SLC7A2: variants seen among roughly 807,000 people sequenced by gnomAD.
The protein encoded by SLC7A2 is solute carrier family 7 member 2.
Under a neutral mutation model 58.9 loss-of-function variants are expected in SLC7A2, and 48 were observed. The observed-to-expected ratio is 0.82, with a 90% CI of 0.65 to 1.04. SLC7A2 has a LOEUF of 1.04. SLC7A2 is among the 50% of genes least tolerant of loss of function. The pLI is 0.00. For synonymous variants in SLC7A2, 363 were observed against 314.5 expected (o/e 1.15, Z -1.63); for missense variants, 1,029 against 818.8 (o/e 1.26, Z -3.13).
At chr8:17,541,379 A>G (rs1368459700) in intron 2 of SLC7A2, among the ~76,000 whole-genome samples, 1 of 152,230 alleles carries the variant, frequency 6.6e-6, no homozygotes, top group Non-Finnish European at 1.5e-5. Context: ...GAAAACCTGA[A>G]TATGGGCAAA....
intron 2 of SLC7A2, among the ~76,000 whole-genome samples, chr8:17,522,714 T>A (rs1801064174): frequency 6.9e-6 from 1 of 144,758 alleles, no homozygotes. Flanking sequence ...GAAAGCTTCC[T>A]TTGTGACTTC....
At position 17,551,854 on chromosome 8, in the gene SLC7A2, C is replaced by T; in HGVS notation, c.923C>T (p.Ala308Val). The T allele has an allele frequency of 6.2e-7, 1 of 1,613,900 alleles. No homozygotes were observed. Among genetic ancestry groups the T allele is most frequent in the Admixed American group, 1.7e-5 (1 of 59,998 alleles). ...VCFMAYFGVS[A>V]ALTLMMPYYL... ...TTTATGGCCTATTTTGGGGTCTCTG[C>T]AGCTTTAACACTTATGATGCCGTAC... Residue 308 changes from alanine to valine, a missense_variant, in exon 7 of 13, where the codon GCA (alanine) becomes GTA (valine). Ala to Val is a moderately conservative substitution (Grantham distance 64). Coordinates refer to ENST00000494857, the MANE Select transcript of SLC7A2 (RefSeq NM_001370338.1).
chr8:17,534,138 C>T (rs1022804488), intron 2 of SLC7A2, among the ~76,000 whole-genome samples: 1 of 152,106 alleles, frequency 6.6e-6, no homozygotes, highest in African/African-American at 2.4e-5. Flanking sequence ...TGTGTATATA[C>T]CACATTTTCT....
At chr8:17,563,554 A>C in intron 11 of SLC7A2, 49 bp from the exon 12 acceptor site, 2 of 1,125,386 alleles carry the variant, frequency 1.8e-6, no homozygotes, top group Non-Finnish European at 2.7e-6. Context: ...AACTTGGGGA[A>C]TATGCTTCAA....
upstream of SLC7A2, among the ~76,000 whole-genome samples, chr8:17,495,175 G>T (rs962572686): frequency 6.6e-6 from 1 of 151,844 alleles, no homozygotes; most frequent in African/African-American, 2.4e-5. Flanking sequence ...GACCAGGTTG[G>T]CCTCGAACGT....
intron 2 of SLC7A2, among the ~76,000 whole-genome samples, chr8:17,506,278 C>G (rs540316396): frequency 2.0e-4 from 31 of 152,290 alleles, no homozygotes; most frequent in African/African-American, 7.5e-4. Flanking sequence ...TCTCTTGAAA[C>G]TTAGCAGAAT....
chr8:17,547,686 T>G (rs1290092752), intron 4 of SLC7A2, among the ~76,000 whole-genome samples: 1 of 152,248 alleles, frequency 6.6e-6, no homozygotes, highest in East Asian at 1.9e-4. Flanking sequence ...AGTGATCTAA[T>G]TGTCTATAAA....
Position 17,501,606 on chromosome 8 carries a change from T to C in SLC7A2, c.-68-651T>C, listed in dbSNP as rs148870378. The stretch of plus-strand genomic sequence containing the variant: ...TGTGGAAAATCTTGAAATTTCTTGA[T>C]ACGGGACTTTATACACCCAAGACTG... On this transcript the variant is annotated intron_variant, in intron 1 of 12. Transcript: ENST00000494857. Among the ~76,000 whole-genome samples, 1,505 of 152,284 alleles carry C rather than the reference T, an allele frequency of 9.9e-3. 13 individuals carry two copies. The highest frequency in any genetic ancestry group is 0.014 in the Middle Eastern group (4 of 294).
rs563975195 is a variant in SLC7A2, at chr8:17,570,192, C to G, written c.*5046C>G. On this transcript the variant is annotated 3_prime_UTR_variant, in exon 13 of 13. Coordinates refer to ENST00000494857, the MANE Select transcript of SLC7A2 (RefSeq NM_001370338.1). Reference sequence around the variant, plus strand: ...CAGTTGGGAAAGAGCGTCATATTGCCAACAGGTTGGGTTTCTCTGGCCTAC... The same window carrying G: ...CAGTTGGGAAAGAGCGTCATATTGCGAACAGGTTGGGTTTCTCTGGCCTAC... 2.6e-5 allele frequency: 4 copies of G among 152,112 alleles called. No individual in the cohort carries two copies. Among genetic ancestry groups the G allele is most frequent in the Non-Finnish European group, 5.9e-5 (4 of 68,024 alleles). The allele number at this position is 152,112 out of a possible 1,614,324, so 9.4% of individuals were successfully genotyped here.
chr8:17,570,272 T>C lies in SLC7A2; in HGVS notation c.*5126T>C, dbSNP rs1803448551. ...GTCCCCTAGGAGTGTCCAGTTGTTT[T>C]ATTGCTGTATTTTGTTATTGCAGTA... On this transcript the variant is annotated 3_prime_UTR_variant, in exon 13 of 13. Coordinates refer to ENST00000494857, the MANE Select transcript of SLC7A2 (RefSeq NM_001370338.1). 6.6e-6 allele frequency: 1 copy of C among 152,356 alleles called. No individual in the cohort carries two copies. Among genetic ancestry groups the C allele is most frequent in the Non-Finnish European group, 1.5e-5 (1 of 68,036 alleles). 9.4% of individuals were successfully genotyped at this position (152,356 alleles called of 1,614,324 possible).
At chr8:17,509,393 C>T (rs367573820) in intron 2 of SLC7A2, among the ~76,000 whole-genome samples, 1 of 152,106 alleles carries the variant, frequency 6.6e-6, no homozygotes, top group Non-Finnish European at 1.5e-5. Flanking sequence ...GCAACCTCCG[C>T]CTCCCTGGTT....
chr8:17,498,318 C>G (rs1266599377), intron 1 of SLC7A2, among the ~76,000 whole-genome samples: 3 of 152,178 alleles, frequency 2.0e-5, no homozygotes, highest in South Asian at 4.1e-4. Context: ...GTGGCCTTGA[C>G]TTGATACTTT....
chr8:17,544,717 TACAC>T (rs748681915), intron 4 of SLC7A2, 111 bp downstream of exon 4: 193 of 851,472 alleles, frequency 2.3e-4, no homozygotes, highest in Non-Finnish European at 3.1e-4. Context: ...TTAGTATATT[TACAC>T]ATTTATGTCA....
chr8:17,554,828 T>C (rs1228521999), intron 8 of SLC7A2, 129 bp downstream of exon 8: 2 of 1,445,794 alleles, frequency 1.4e-6, no homozygotes, highest in African/African-American at 2.8e-5. Flanking sequence ...TTGTGAGTGT[T>C]TCCTATTTTG....
chr8:17,508,357 T>G (rs1800460240), intron 2 of SLC7A2, among the ~76,000 whole-genome samples: 1 of 152,182 alleles, frequency 6.6e-6, no homozygotes, highest in South Asian at 2.1e-4. Flanking sequence ...TCTTATAAAT[T>G]ATGTAAAATA....
At chr8:17,537,982 T>C (rs1488190916) in intron 2 of SLC7A2, among the ~76,000 whole-genome samples, 3 of 152,224 alleles carry the variant, frequency 2.0e-5, no homozygotes, top group Non-Finnish European at 2.9e-5. Context: ...TATGCCTTAT[T>C]CCCACTGTGA....
At chr8:17,499,770 G>A (rs563294021) in intron 1 of SLC7A2, among the ~76,000 whole-genome samples, 3 of 152,136 alleles carry the variant, frequency 2.0e-5, no homozygotes, top group African/African-American at 7.2e-5. Flanking sequence ...CTTGAAAATC[G>A]AAGCTGTTAA....
At chr8:17,518,832 G>C (rs1201270481) in intron 2 of SLC7A2, among the ~76,000 whole-genome samples, 1 of 152,076 alleles carries the variant, frequency 6.6e-6, no homozygotes, top group East Asian at 1.9e-4. Context: ...TAGACTGGGG[G>C]CTTAAACAAC....
At chr8:17,509,820 G>T (rs1475102499) in intron 2 of SLC7A2, among the ~76,000 whole-genome samples, 1 of 152,116 alleles carries the variant, frequency 6.6e-6, no homozygotes, top group African/African-American at 2.4e-5. Context: ...TATGCAGTAT[G>T]AATAGCTTTA....
Sources: gnomAD v4.1 joint callset for allele counts (sites outside exome capture counted in the v4.1 genomes callset) on GRCh38, gnomAD v4.1.1 for gene constraint, MANE v1.5 for transcripts, NCBI Gene and HGNC (gene_info 2026-07-23, HGNC 2026-07-21) for gene names.